Variants in CCL24 observed in about 807,000 individuals in gnomAD.
The protein encoded by CCL24 is C-C motif chemokine ligand 24, also known as C-C motif chemokine 24.
A neutral mutation model predicts 8.6 loss-of-function variants in CCL24; 6 were observed. The ratio of observed to expected loss-of-function variants is 0.70; its 90% CI spans 0.38 to 1.38. CCL24 has a LOEUF of 1.38. Among genes scored for constraint, CCL24 ranks in the 40% most tolerant of loss-of-function variants. The pLI is 0.02. For synonymous variants in CCL24, 59 were observed against 52.7 expected, an observed-to-expected ratio of 1.12 and a Z score of -0.52; for missense variants, 126 against 147.1, an observed-to-expected ratio of 0.86 and a Z score of 0.74.
intron 2 of CCL24, 129 bp downstream of exon 2, chr7:75,813,177 G>A (rs1554533644): frequency 1.7e-6 from 1 of 591,232 alleles, no homozygotes; most frequent in Non-Finnish European, 3.0e-6. Flanking sequence ...GGAAGTTGAG[G>A]ACCAGAGAGG....
upstream of CCL24, among the ~76,000 whole-genome samples, chr7:75,818,050 C>T (rs2115798126): frequency 6.6e-6 from 1 of 151,722 alleles, no homozygotes; most frequent in South Asian, 2.1e-4. Flanking sequence ...GGGCTAGTCT[C>T]AAACTCTTAA....
chr7:75,812,681 G>C (rs1470122234), intron 2 of CCL24, among the ~76,000 whole-genome samples: 2 of 152,172 alleles, frequency 1.3e-5, no homozygotes, highest in Non-Finnish European at 2.9e-5. Context: ...TGTAATCCCA[G>C]CACTTTGGAA....
Position 75,811,825 on chromosome 7 carries a change from T to A in CCL24, c.331A>T (p.Arg111Ter). ...CAGGTGGTTTGGTTGCCAGGATATC[T>A]CTGGACAGGGCCCTTGACAGCCACT... ...RAVAVKGPVQRYPGNQTTC is the reference protein window; with the variant it reads ...RAVAVKGPVQ Residue 111 changes from arginine to a stop codon, truncating the protein, a stop_gained, in exon 3 of 3, where the codon AGA becomes TGA. Coordinates refer to ENST00000222902, the MANE Select transcript of CCL24 (RefSeq NM_002991.3). LOFTEE classifies it high-confidence loss of function. 1.2e-6 allele frequency: 2 copies of A among 1,613,472 alleles called. No homozygotes were observed. Among genetic ancestry groups the A allele is most frequent in the Non-Finnish European group, 1.7e-6 (2 of 1,179,924 alleles).
At chr7:75,818,318 G>T (rs183263796), upstream of CCL24, among the ~76,000 whole-genome samples, 3 of 151,730 alleles carry the variant, frequency 2.0e-5, no homozygotes, top group Non-Finnish European at 4.4e-5. Flanking sequence ...GTGGTGGCAC[G>T]CACCTGTAGT....
intron 1 of CCL24, among the ~76,000 whole-genome samples, chr7:75,822,731 A>T (rs1804075430): frequency 6.6e-6 from 1 of 152,154 alleles, no homozygotes; most frequent in Non-Finnish European, 1.5e-5. Flanking sequence ...CAGGAGGTTG[A>T]GGCATGAGAA....
At chr7:75,815,433 G>T (rs1803868890), upstream of CCL24, among the ~76,000 whole-genome samples, 1 of 151,760 alleles carries the variant, frequency 6.6e-6, no homozygotes, top group South Asian at 2.1e-4. Flanking sequence ...TTTGAGCCCA[G>T]GAGTTCAAGA....
At chr7:75,814,804 A>G (rs1803852841), upstream of CCL24, among the ~76,000 whole-genome samples, 2 of 152,164 alleles carry the variant, frequency 1.3e-5, no homozygotes, top group South Asian at 4.2e-4. Flanking sequence ...TGCCGACTCC[A>G]GATCCAGCAT....
At chr7:75,820,039 T>TCCTCTTCTTCTTCTTCTTC (rs1803995876) in intron 1 of CCL24, among the ~76,000 whole-genome samples, 1 of 137,182 alleles carries the variant, frequency 7.3e-6, no homozygotes, top group Admixed American at 8.0e-5. Context: ...TTCTTCTTCT[T>TCCTCTTCTTCTTCTTCTTC]CTTCTTCTTC....
upstream of CCL24, among the ~76,000 whole-genome samples, chr7:75,814,381 C>A (rs1289851525): frequency 6.6e-6 from 1 of 151,992 alleles, no homozygotes; most frequent in African/African-American, 2.4e-5. Flanking sequence ...GCCTAGGCAA[C>A]AAAGCAAGAC....
At chr7:75,817,296 G>C (rs1430845681), upstream of CCL24, among the ~76,000 whole-genome samples, 4 of 151,912 alleles carry the variant, frequency 2.6e-5, no homozygotes, top group Admixed American at 2.6e-4. Flanking sequence ...AGGAAGTTGG[G>C]GGGAGAAAGG....
chr7:75,816,137 G>A (rs529673148), upstream of CCL24, among the ~76,000 whole-genome samples: 11 of 152,176 alleles, frequency 7.2e-5, no homozygotes, highest in South Asian at 2.1e-4. Flanking sequence ...TTATATACCC[G>A]CCAAGTGCCG....
chr7:75,813,062 C>T (rs1201458974), intron 2 of CCL24, among the ~76,000 whole-genome samples: 2 of 152,074 alleles, frequency 1.3e-5, no homozygotes, highest in Non-Finnish European at 2.9e-5. Flanking sequence ...GAGCTATGAT[C>T]GTGCCACTGC....
intron 1 of CCL24, among the ~76,000 whole-genome samples, chr7:75,818,915 T>C (rs1554534543): frequency 6.6e-6 from 1 of 151,822 alleles, no homozygotes; most frequent in African/African-American, 2.4e-5. Context: ...GGTCACCCTC[T>C]TTAATAAGGG....
upstream of CCL24, among the ~76,000 whole-genome samples, chr7:75,814,160 CCATTCATT>C (rs1214058223): frequency 6.6e-6 from 1 of 152,164 alleles, no homozygotes; most frequent in African/African-American, 2.4e-5. Context: ...CTTCTCCCTT[CCATTCATT>C]CATTCATTCA....
chr7:75,820,031 C>CTTT (rs1803995147), intron 1 of CCL24, among the ~76,000 whole-genome samples: 2 of 125,734 alleles, frequency 1.6e-5, no homozygotes, highest in Non-Finnish European at 3.4e-5. Flanking sequence ...TCTTCTTCTT[C>CTTT]TTCTTCTTCT....
At chr7:75,822,291 T>C (rs1160330265) in intron 1 of CCL24, among the ~76,000 whole-genome samples, 1 of 152,194 alleles carries the variant, frequency 6.6e-6, no homozygotes, top group African/African-American at 2.4e-5. Flanking sequence ...TTGAGCCTCG[T>C]CCCAACCATA....
At chr7:75,818,122 C>T (rs1235289740), upstream of CCL24, among the ~76,000 whole-genome samples, 2 of 152,122 alleles carry the variant, frequency 1.3e-5, no homozygotes, top group Non-Finnish European at 2.9e-5. Context: ...TGAGCCACCT[C>T]ACCCAACCAA....
chr7:75,818,444 C>T (rs113271439), upstream of CCL24, among the ~76,000 whole-genome samples: 1 of 127,570 alleles, frequency 7.8e-6, no homozygotes, highest in Admixed American at 8.1e-5. Flanking sequence ...GAGACTCCGT[C>T]TCAAAAAAAA....
chr7:75,820,093 T>TC (rs1554534841), intron 1 of CCL24, among the ~76,000 whole-genome samples: 11 of 132,644 alleles, frequency 8.3e-5, no homozygotes, highest in Admixed American at 3.3e-4. Context: ...TTCTTCCTCT[T>TC]CTTCTTCTTC....
Sources: gnomAD v4.1 joint callset for allele counts (sites outside exome capture counted in the v4.1 genomes callset) on GRCh38, gnomAD v4.1.1 for gene constraint, MANE v1.5 for transcripts, NCBI Gene and HGNC (gene_info 2026-07-23, HGNC 2026-07-21) for gene names.